The following RBFOX1 variants were observed in gnomAD, a reference collection of about 807,000 sequenced individuals.
The protein encoded by RBFOX1 is RNA binding protein fox-1 homolog 1.
In RBFOX1, 8 loss-of-function variants were observed where a neutral mutation model predicts 57.7. That is an observed-to-expected ratio of 0.14 (90% CI 0.08 to 0.25). RBFOX1 has a LOEUF of 0.25. Among genes scored for constraint, RBFOX1 ranks in the 10% least tolerant of loss-of-function variants. The probability of loss-of-function intolerance (pLI) is 1.00; values close to 1 mark genes in which losing one functional copy is unlikely to be tolerated. For synonymous variants in RBFOX1, 326 were observed against 222.4 expected, an observed-to-expected ratio of 1.47 and a Z score of -4.15; for missense variants, 611 against 548.5, an observed-to-expected ratio of 1.11 and a Z score of -1.14.
intron 4 of RBFOX1, among the ~76,000 whole-genome samples, chr16:7,179,744 T>C (rs575071880): frequency 3.4e-4 from 51 of 152,176 alleles, no homozygotes; most frequent in African/African-American, 1.2e-3. Flanking sequence ...TTTTTTTTTC[T>C]TTTTGTTTGA....
At chr16:7,100,076 C>A (rs1278572257) in intron 4 of RBFOX1, among the ~76,000 whole-genome samples, 3 of 151,282 alleles carry the variant, frequency 2.0e-5, no homozygotes, top group Non-Finnish European at 4.4e-5. Context: ...GGGTGGTCAC[C>A]TTCAAATTTT....
rs539191128 is a variant in RBFOX1 at position 6,889,936 on chromosome 16, G to A, written c.-15-162121G>A. Among the ~76,000 whole-genome samples the A allele has an allele frequency of 4.3e-4, 65 of 152,286 alleles. 1 individual carries two copies. Among genetic ancestry groups the A allele is most frequent in the African/African-American group, 1.3e-3 (56 of 41,560 alleles). ...TCAAAACAAAATTTCTCATAGCCAC[G>A]TATTTCAGTGGTTACCTGTGATAAC... On this transcript the variant is annotated intron_variant, in intron 3 of 15. Coordinates refer to ENST00000550418, the MANE Select transcript of RBFOX1 (RefSeq NM_018723.4).
chr16:7,062,330 AAAAAAAAAG>A (rs1486576672), intron 4 of RBFOX1, among the ~76,000 whole-genome samples: 1 of 150,464 alleles, frequency 6.6e-6, no homozygotes, highest in Non-Finnish European at 1.5e-5. Context: ...AAAAAAAAAA[AAAAAAAAAG>A]AAAAGAAAAA....
chr16:7,510,278 T>G (rs560188872), intron 4 of RBFOX1: 1 of 985,852 alleles, frequency 1.0e-6, no homozygotes, highest in African/African-American at 1.7e-5. Flanking sequence ...GCTGCTAAGT[T>G]TATGGAGGAG....
intron 1 of RBFOX1, among the ~76,000 whole-genome samples, chr16:5,318,709 C>A (rs548487018): frequency 6.6e-6 from 1 of 152,266 alleles, no homozygotes; most frequent in African/African-American, 2.4e-5. Flanking sequence ...ACACTTTGTC[C>A]CAGTTATCCA....
chr16:6,167,679 C>T (rs74006914), intron 1 of RBFOX1, among the ~76,000 whole-genome samples: 5,632 of 152,182 alleles, frequency 0.037, 360 homozygotes, highest in African/African-American at 0.13. Flanking sequence ...CAATGTCCAA[C>T]CAACCTTTTA....
chr16:7,495,267 A>G (rs1010730544), intron 4 of RBFOX1, among the ~76,000 whole-genome samples: 5 of 152,216 alleles, frequency 3.3e-5, no homozygotes, highest in Admixed American at 6.5e-5. Context: ...TGAATATTAC[A>G]GTGATTAACA....
At chr16:7,429,250 C>T (rs1028122018) in intron 4 of RBFOX1, among the ~76,000 whole-genome samples, 5 of 152,210 alleles carry the variant, frequency 3.3e-5, no homozygotes, top group Admixed American at 2.6e-4. Context: ...CTTCCCTGCT[C>T]ACCCATCCCC....
intron 4 of RBFOX1, among the ~76,000 whole-genome samples, chr16:7,309,600 C>T (rs965141774): frequency 6.6e-6 from 1 of 152,178 alleles, no homozygotes; most frequent in Non-Finnish European, 1.5e-5. Flanking sequence ...TCTCCAGTAG[C>T]TGATGGACTG....
chr16:6,999,272 G>T (rs2092579104), intron 3 of RBFOX1, among the ~76,000 whole-genome samples: 1 of 140,432 alleles, frequency 7.1e-6, no homozygotes, highest in East Asian at 2.1e-4. Context: ...GATCAGGCTG[G>T]TCCTGAACTC....
intron 1 of RBFOX1, among the ~76,000 whole-genome samples, chr16:5,460,818 G>A (rs529720339): frequency 2.6e-5 from 4 of 152,192 alleles, no homozygotes; most frequent in Non-Finnish European, 5.9e-5. Flanking sequence ...GAAAAGCACA[G>A]AGATAAATCT....
chr16:5,627,653 C>T (rs1243524260), intron 3 of RBFOX1, among the ~76,000 whole-genome samples: 1 of 151,928 alleles, frequency 6.6e-6, no homozygotes, highest in Non-Finnish European at 1.5e-5. Context: ...GTACAGTTGC[C>T]CCTCTGTATC....
intron 1 of RBFOX1, among the ~76,000 whole-genome samples, chr16:6,167,191 C>T (rs534357166): frequency 4.6e-5 from 7 of 152,338 alleles, no homozygotes; most frequent in Admixed American, 2.6e-4. Context: ...AGCCGAAACA[C>T]GCATGCGTGA....
At chr16:6,725,811 G>T (rs568126831) in intron 3 of RBFOX1, among the ~76,000 whole-genome samples, 35 of 152,104 alleles carry the variant, frequency 2.3e-4, no homozygotes, top group Non-Finnish European at 3.4e-4. Context: ...CGCCGTGTGT[G>T]CTCTTCAAGC....
chr16:6,796,909 C>G (rs2084194370), intron 3 of RBFOX1, among the ~76,000 whole-genome samples: 1 of 152,154 alleles, frequency 6.6e-6, no homozygotes, highest in South Asian at 2.1e-4. Context: ...TGTCTCCACC[C>G]CCTTTCTTCC....
chr16:6,667,698 T>C (rs1396859981), intron 3 of RBFOX1, among the ~76,000 whole-genome samples: 1 of 152,100 alleles, frequency 6.6e-6, no homozygotes, highest in East Asian at 1.9e-4. Flanking sequence ...CTAGGCAACA[T>C]ATACCCTATT....
intron 2 of RBFOX1, among the ~76,000 whole-genome samples, chr16:6,607,640 C>T (rs931450950): frequency 1.3e-5 from 2 of 151,804 alleles, no homozygotes; most frequent in African/African-American, 2.4e-5. Flanking sequence ...TCTATCTCTC[C>T]TCTCTCTTTC....
intron 3 of RBFOX1, among the ~76,000 whole-genome samples, chr16:6,989,729 G>A (rs976974824): frequency 1.3e-5 from 2 of 152,178 alleles, no homozygotes; most frequent in African/African-American, 4.8e-5. Flanking sequence ...GTCAGGTGCT[G>A]TGGCTCACAC....
intron 5 of RBFOX1, among the ~76,000 whole-genome samples, chr16:7,555,126 A>G (rs537770645): frequency 6.6e-6 from 1 of 152,314 alleles, no homozygotes; most frequent in South Asian, 2.1e-4. Context: ...CCATTAAATT[A>G]CAATGCATCT....
Sources: allele counts gnomAD v4.1 joint callset (sites outside exome capture counted in the v4.1 genomes callset), GRCh38; gene constraint gnomAD v4.1.1; transcripts MANE v1.5; gene names NCBI Gene and HGNC (gene_info 2026-07-23, HGNC 2026-07-21).